RAPGEF5: variants seen among roughly 807,000 people sequenced by gnomAD.
The protein encoded by RAPGEF5 is M-Ras-regulated GEF.
A neutral mutation model predicts 125.2 loss-of-function variants in RAPGEF5; 65 were observed. The ratio of observed to expected loss-of-function variants is 0.52; its 90% CI spans 0.43 to 0.64. RAPGEF5 has a LOEUF of 0.64. Ranked by LOEUF, RAPGEF5 falls within the 30% of genes least tolerant of loss-of-function variation. RAPGEF5 has a pLI of 0.00. For synonymous variants in RAPGEF5, 391 were observed against 385.9 expected, an observed-to-expected ratio of 1.01 and a Z score of -0.16; for missense variants, 958 against 1,048.1, an observed-to-expected ratio of 0.91 and a Z score of 1.19.
chr7:22,155,062 A>C (rs1349901893), intron 16 of RAPGEF5, among the ~76,000 whole-genome samples: 2 of 152,160 alleles, frequency 1.3e-5, no homozygotes, highest in African/African-American at 4.8e-5. Flanking sequence ...GGACAATCTC[A>C]GTGGCCCAAT....
chr7:22,201,431 C>A (rs1785274134), intron 9 of RAPGEF5, among the ~76,000 whole-genome samples: 1 of 152,226 alleles, frequency 6.6e-6, no homozygotes, highest in Non-Finnish European at 1.5e-5. Context: ...GACAGCCCAG[C>A]ATGCTTCACA....
chr7:22,286,368 C>T lies in RAPGEF5; in HGVS notation c.747+4807G>A, dbSNP rs1335398135. On this transcript the variant is annotated intron_variant, in intron 6 of 25. Coordinates refer to ENST00000665637, the MANE Select transcript of RAPGEF5 (RefSeq NM_012294.5). ...AAATAATGCACAACTTAGCCTAACT[C>T]ACATCACCTCAGGTGTTTGACAATT... 2.0e-5 allele frequency among the ~76,000 whole-genome samples: 3 copies of T among 152,210 alleles called. 1 individual carries two copies. The highest frequency in any genetic ancestry group is 4.4e-5 in the Non-Finnish European group (3 of 68,042).
rs575294231 is a variant in RAPGEF5 at position 22,317,856 on chromosome 7, T to G, written c.282+131A>C. 3 of 1,187,710 alleles carry G rather than the reference T, an allele frequency of 2.5e-6. No individual in the cohort carries two copies. The African/African-American group carries it at 4.8e-5, about 19-fold the overall frequency. The allele number at this position is 1,187,710 out of a possible 1,614,324, so 73.6% of individuals were successfully genotyped here. On this transcript the variant is annotated intron_variant, in intron 2 of 25. Transcript: ENST00000665637. ...GTCATCCCAGGTGGTGAAGATAATGTGATCACTGCAGCATCCCTGCAAAAC... is the reference window on the plus strand; with the variant it reads ...GTCATCCCAGGTGGTGAAGATAATGGGATCACTGCAGCATCCCTGCAAAAC...
intron 6 of RAPGEF5, among the ~76,000 whole-genome samples, chr7:22,288,200 T>C (rs1782842928): frequency 6.6e-6 from 1 of 151,492 alleles, no homozygotes. Context: ...CTCACTGTCC[T>C]CTAGTCTCCC....
chr7:22,307,119 T>C (rs1051755203), intron 5 of RAPGEF5, among the ~76,000 whole-genome samples: 3 of 152,226 alleles, frequency 2.0e-5, no homozygotes, highest in South Asian at 2.1e-4. Flanking sequence ...TGGGATTGCA[T>C]TGAATCTGTA....
At chr7:22,353,463 G>A (rs1235295394) in intron 1 of RAPGEF5, among the ~76,000 whole-genome samples, 1 of 152,126 alleles carries the variant, frequency 6.6e-6, no homozygotes, top group African/African-American at 2.4e-5. Flanking sequence ...AAATTTGTGA[G>A]TAAGACAACA....
chr7:22,244,972 C>T (rs1786438500), intron 7 of RAPGEF5, among the ~76,000 whole-genome samples: 1 of 152,158 alleles, frequency 6.6e-6, no homozygotes, highest in Non-Finnish European at 1.5e-5. Context: ...TCTTCATATC[C>T]TCGTCAATAC....
chr7:22,293,671 C>T (rs1782985522), intron 5 of RAPGEF5, among the ~76,000 whole-genome samples: 1 of 152,128 alleles, frequency 6.6e-6, no homozygotes, highest in South Asian at 2.1e-4. Flanking sequence ...AAATGCTCTT[C>T]CTTCCCTGCT....
intron 6 of RAPGEF5, among the ~76,000 whole-genome samples, chr7:22,287,537 C>T (rs1189553914): frequency 1.3e-5 from 2 of 152,190 alleles, no homozygotes; most frequent in Non-Finnish European, 2.9e-5. Flanking sequence ...GCACGGTTGA[C>T]TGTACTGCTG....
At chr7:22,254,991 G>A (rs1472376003) in intron 7 of RAPGEF5, among the ~76,000 whole-genome samples, 3 of 152,070 alleles carry the variant, frequency 2.0e-5, no homozygotes, top group Non-Finnish European at 4.4e-5. Context: ...ACCAGAGATT[G>A]GGGACCCCGA....
chr7:22,219,941 T>C lies in RAPGEF5; in HGVS notation c.921A>G (p.Glu307=). The change falls in exon 9 of 26, where the codon GAA becomes GAG. Residue 307 remains glutamate (E), a synonymous_variant. Transcript: ENST00000665637. ...TTTCTTTTGCCAGCTTCTGGACTAG[T>C]TCAATTCGTCCGATTTCATCTCTTT... ...LQERDEIGRI[E]LVQKLAKENY... The C allele has an allele frequency of 6.2e-7, 1 of 1,613,666 alleles. No individual in the cohort carries two copies. Among genetic ancestry groups the C allele is most frequent in the Non-Finnish European group, 8.5e-7 (1 of 1,179,696 alleles).
At chr7:22,221,094 G>C (rs1175566532) in intron 8 of RAPGEF5, among the ~76,000 whole-genome samples, 1 of 152,158 alleles carries the variant, frequency 6.6e-6, no homozygotes, top group East Asian at 1.9e-4. Flanking sequence ...GTCGAACTAG[G>C]AAGGAAATAA....
chr7:22,294,903 A>G (rs1783024165), intron 5 of RAPGEF5, among the ~76,000 whole-genome samples: 2 of 152,238 alleles, frequency 1.3e-5, no homozygotes, highest in Non-Finnish European at 1.5e-5. Flanking sequence ...TTTTATACTT[A>G]AAAATATGTA....
At chr7:22,167,413 C>G (rs1784205113) in intron 11 of RAPGEF5, among the ~76,000 whole-genome samples, 1 of 152,074 alleles carries the variant, frequency 6.6e-6, no homozygotes, top group Non-Finnish European at 1.5e-5. Context: ...ATCTTGTTTT[C>G]CTGAAATTTC....
At chr7:22,291,125 C>A in intron 6 of RAPGEF5, 50 bp downstream of exon 6, 1 of 1,518,392 alleles carries the variant, frequency 6.6e-7, no homozygotes, top group East Asian at 2.4e-5. Context: ...TTCTAGGACC[C>A]CAGCTTCATT....
At chr7:22,289,027 G>C (rs1782868060) in intron 6 of RAPGEF5, among the ~76,000 whole-genome samples, 1 of 152,156 alleles carries the variant, frequency 6.6e-6, no homozygotes, top group Non-Finnish European at 1.5e-5. Flanking sequence ...TCCACAGCTA[G>C]AATACACATC....
intron 6 of RAPGEF5, among the ~76,000 whole-genome samples, chr7:22,275,348 A>G (rs1027917134): frequency 6.6e-6 from 1 of 152,228 alleles, no homozygotes; most frequent in Non-Finnish European, 1.5e-5. Flanking sequence ...GACTCCTGGC[A>G]CCATTCCTGG....
intron 9 of RAPGEF5, among the ~76,000 whole-genome samples, chr7:22,218,768 G>A (rs1391439296): frequency 6.6e-6 from 1 of 152,178 alleles, no homozygotes; most frequent in Non-Finnish European, 1.5e-5. Context: ...CAAAGTGAAG[G>A]TTGCCTGAGA....
At chr7:22,321,756 TG>T (rs1783718826) in intron 1 of RAPGEF5, among the ~76,000 whole-genome samples, 1 of 152,176 alleles carries the variant, frequency 6.6e-6, no homozygotes, top group Non-Finnish European at 1.5e-5. Flanking sequence ...TAAATACACT[TG>T]AATTTCTTAC....
Sources: gnomAD v4.1 joint callset for allele counts (sites outside exome capture counted in the v4.1 genomes callset) on GRCh38, gnomAD v4.1.1 for gene constraint, MANE v1.5 for transcripts, NCBI Gene and HGNC (gene_info 2026-07-23, HGNC 2026-07-21) for gene names.